KATNAL1: variants seen among roughly 807,000 people sequenced by gnomAD.
The protein encoded by KATNAL1 is katanin catalytic subunit A1 like 1, also known as katanin p60 ATPase-containing subunit A-like 1.
A neutral mutation model predicts 55.2 loss-of-function variants in KATNAL1; 32 were observed. That is an observed-to-expected ratio of 0.58 (90% CI 0.44 to 0.78). KATNAL1 has a LOEUF of 0.78. KATNAL1 is among the 30% of genes least tolerant of loss of function. The pLI, the probability that KATNAL1 is intolerant of heterozygous loss-of-function variation, is 0.00. For missense variants in KATNAL1, 466 were observed against 600.9 expected (o/e 0.78, Z 2.35); for synonymous variants, 193 against 193.6 (o/e 1.00, Z 0.02).
chr13:30,228,407 A>T (rs1053739697), intron 8 of KATNAL1, among the ~76,000 whole-genome samples: 1 of 152,114 alleles, frequency 6.6e-6, no homozygotes, highest in African/African-American at 2.4e-5. Flanking sequence ...GAAACATATA[A>T]TATTTTCTTA....
intron 4 of KATNAL1, among the ~76,000 whole-genome samples, chr13:30,253,985 T>C (rs1258388288): frequency 2.0e-5 from 3 of 152,210 alleles, no homozygotes; most frequent in Admixed American, 1.3e-4. Flanking sequence ...AGACACCTAC[T>C]TCACGGGATT....
rs1308062751 is a variant in KATNAL1 at position 30,231,405 on chromosome 13, C to G, written c.794G>C (p.Cys265Ser). 1 of 1,609,110 alleles carries G rather than the reference C, an allele frequency of 6.2e-7. No individual in the cohort carries two copies. The highest frequency in any genetic ancestry group is 8.5e-7 in the Non-Finnish European group (1 of 1,177,594). ...TMLAKAVATECGTTFFNVSSS... is the reference protein window; with the variant it reads ...TMLAKAVATESGTTFFNVSSS... The stretch of plus-strand genomic sequence containing the variant: ...CGAAACGTTGAAGAATGTTGTACCA[C>G]ATTCAGTGGCAACAGCTTTAGCTAG... The change falls in exon 7 of 11, where the codon TGT becomes TCT. Residue 265 changes from cysteine to serine, a missense_variant. By Grantham distance (112) the Cys-to-Ser change is moderately radical (BLOSUM62 -1). Around this residue, in one of 3 missense-constraint regions of KATNAL1, gnomAD observed 213 missense variants for 308.6 expected, o/e 0.69. Coordinates refer to ENST00000380615, the MANE Select transcript of KATNAL1 (RefSeq NM_032116.5).
chr13:30,274,331 ATCTC>A (rs1263500655), intron 3 of KATNAL1, among the ~76,000 whole-genome samples: 3 of 152,228 alleles, frequency 2.0e-5, no homozygotes, highest in South Asian at 2.1e-4. Flanking sequence ...CTGCCAGTTA[ATCTC>A]TCTGAGTACC....
intron 9 of KATNAL1, among the ~76,000 whole-genome samples, chr13:30,218,018 T>G (rs569762383): frequency 6.6e-6 from 1 of 151,668 alleles, no homozygotes; most frequent in South Asian, 2.1e-4. Context: ...GAAAAATCAG[T>G]AAAATTTAAA....
At chr13:30,234,849 C>A (rs1410858699) in intron 6 of KATNAL1, among the ~76,000 whole-genome samples, 1 of 152,178 alleles carries the variant, frequency 6.6e-6, no homozygotes, top group Non-Finnish European at 1.5e-5. Flanking sequence ...GCCTCTAAAT[C>A]CTTGGAATTA....
chr13:30,303,139 G>T (rs958800058), intron 1 of KATNAL1, among the ~76,000 whole-genome samples: 6 of 152,122 alleles, frequency 3.9e-5, no homozygotes, highest in Admixed American at 2.6e-4. Context: ...AGTTACAAAA[G>T]GACTTAAAAG....
At chr13:30,241,882 C>T (rs1254522258) in intron 4 of KATNAL1, among the ~76,000 whole-genome samples, 1 of 152,120 alleles carries the variant, frequency 6.6e-6, no homozygotes, top group Non-Finnish European at 1.5e-5. Context: ...GGTAAGTGAC[C>T]AAACAGTATT....
In KATNAL1 at chr13:30,255,429, A is replaced by G; in HGVS notation, c.492+18T>C. On this transcript the variant is annotated intron_variant, in intron 4 of 10. Coordinates refer to ENST00000380615, the MANE Select transcript of KATNAL1 (RefSeq NM_032116.5). ...CCTGGGCTTCAAGTGAGTGAATTACAGAAAGACAGCATCTTGCCTTGTCAT... is the reference window on the plus strand; with the variant it reads ...CCTGGGCTTCAAGTGAGTGAATTACGGAAAGACAGCATCTTGCCTTGTCAT... 1 of 1,478,924 alleles carries G rather than the reference A, an allele frequency of 6.8e-7. No homozygotes were observed. The highest frequency in any genetic ancestry group is 9.0e-7 in the Non-Finnish European group (1 of 1,111,400). 91.6% of individuals were successfully genotyped at this position (1,478,924 alleles called of 1,614,324 possible). A position where few individuals can be genotyped will look rare whatever the true frequency, so the allele number is the denominator to read the frequency against.
At chr13:30,243,596 T>C (rs569982379) in intron 4 of KATNAL1, among the ~76,000 whole-genome samples, 1 of 110,702 alleles carries the variant, frequency 9.0e-6, no homozygotes, top group Non-Finnish European at 1.7e-5. Context: ...ACAGGCCTAC[T>C]AGGTATTAAG....
chr13:30,227,550 T>C lies in KATNAL1; in HGVS notation c.1013-4A>G, dbSNP rs1875631016. On this transcript the variant is annotated splice_polypyrimidine_tract_variant and splice_region_variant and intron_variant, in intron 8 of 10. Coordinates refer to ENST00000380615, the MANE Select transcript of KATNAL1 (RefSeq NM_032116.5). The stretch of plus-strand genomic sequence containing the variant: ...TTTTCTAAAGCTCCTCCAACTCCTA[T>C]ACACAGTAAGGGAGGAAAAGATAGT... 5.6e-6 allele frequency: 9 copies of C among 1,612,478 alleles called. No homozygotes were observed. Among genetic ancestry groups the C allele is most frequent in the Non-Finnish European group, 7.6e-6 (9 of 1,178,950 alleles).
Position 30,277,937 on chromosome 13 carries a change from T to A in KATNAL1, c.323+2126A>T, listed in dbSNP as rs189822583. Among the ~76,000 whole-genome samples, 232 of 128,632 alleles carry A rather than the reference T, an allele frequency of 1.8e-3. 1 individual carries two copies. The highest frequency in any genetic ancestry group is 6.4e-3 in the African/African-American group (212 of 33,302). 84.4% of individuals were successfully genotyped at this position (128,632 alleles called of 152,430 possible). On this transcript the variant is annotated intron_variant, in intron 3 of 10. Coordinates refer to ENST00000380615, the MANE Select transcript of KATNAL1 (RefSeq NM_032116.5). ...GGCGGAGCTTGCAGTGAGCCGAGATTGCGCCACTGCACTCCAGCCTGGGGG... is the reference window on the plus strand; with the variant it reads ...GGCGGAGCTTGCAGTGAGCCGAGATAGCGCCACTGCACTCCAGCCTGGGGG...
chr13:30,262,295 C>G (rs1408984244), intron 3 of KATNAL1, among the ~76,000 whole-genome samples: 8 of 151,868 alleles, frequency 5.3e-5, no homozygotes, highest in African/African-American at 1.9e-4. Flanking sequence ...ACCCTAACAT[C>G]ACAATTAAAA....
intron 4 of KATNAL1, among the ~76,000 whole-genome samples, chr13:30,246,785 G>GA (rs1392265422): frequency 6.6e-6 from 1 of 151,868 alleles, no homozygotes; most frequent in Non-Finnish European, 1.5e-5. Context: ...CAACAAACAT[G>GA]AAAAAAGTTC....
chr13:30,223,463 A>C (rs932101347), intron 9 of KATNAL1, among the ~76,000 whole-genome samples: 3 of 150,812 alleles, frequency 2.0e-5, no homozygotes, highest in Admixed American at 6.6e-5. Flanking sequence ...AAAAAAAAAA[A>C]AAAACTGCAC....
intron 4 of KATNAL1, among the ~76,000 whole-genome samples, chr13:30,243,761 C>A (rs1877512210): frequency 6.6e-6 from 1 of 152,016 alleles, no homozygotes; most frequent in Non-Finnish European, 1.5e-5. Context: ...AAATTACTGG[C>A]CAATTAGTAA....
chr13:30,227,586 C>T, intron 8 of KATNAL1, 40 bp from the exon 9 acceptor site: 1 of 1,579,356 alleles, frequency 6.3e-7, no homozygotes, highest in Non-Finnish European at 8.6e-7. Flanking sequence ...GTTTTTCTTA[C>T]AACTCTTTAT....
intron 1 of KATNAL1, chr13:30,296,411 A>G: frequency 1.0e-6 from 1 of 958,944 alleles, no homozygotes; most frequent in Non-Finnish European, 1.7e-6. Context: ...TTGGATTAAC[A>G]TCCCCCGGAA....
At chr13:30,265,400 A>T (rs139928510) in intron 3 of KATNAL1, among the ~76,000 whole-genome samples, 2,483 of 105,702 alleles carry the variant, frequency 0.023, 76 homozygotes, top group African/African-American at 0.063. Flanking sequence ...AATAAAAAAT[A>T]AAAAAATTAA....
At chr13:30,234,827 C>T (rs1876489132) in intron 6 of KATNAL1, among the ~76,000 whole-genome samples, 1 of 152,194 alleles carries the variant, frequency 6.6e-6, no homozygotes, top group African/African-American at 2.4e-5. Context: ...TGTCTCCAGT[C>T]CCTGGAAAAT....
Sources: allele counts gnomAD v4.1 joint callset (sites outside exome capture counted in the v4.1 genomes callset), GRCh38; gene constraint gnomAD v4.1.1; regional missense constraint gnomAD v4.1.1; transcripts MANE v1.5; gene names NCBI Gene and HGNC (gene_info 2026-07-23, HGNC 2026-07-21).